Variants in OSBPL2 observed in about 807,000 individuals in gnomAD.
OSBPL2 encodes the protein oxysterol binding protein like 2, also known as oxysterol-binding protein-related protein 2.
OSBPL2 carries 18 observed loss-of-function variants against 58.4 expected under a neutral mutation model. The observed-to-expected ratio is 0.31, with a 90% CI of 0.21 to 0.46. OSBPL2 has a LOEUF of 0.46. Among genes scored for constraint, OSBPL2 ranks in the 20% least tolerant of loss-of-function variants. The pLI is 1.00. For synonymous variants in OSBPL2, 221 were observed against 234.1 expected (o/e 0.94, Z 0.51); for missense variants, 461 against 616.5 (o/e 0.75, Z 2.67).
chr20:62,265,174 C>T (rs1475592732), intron 4 of OSBPL2, among the ~76,000 whole-genome samples: 1 of 152,132 alleles, frequency 6.6e-6, no homozygotes, highest in East Asian at 1.9e-4. Context: ...GTTCGTTCTT[C>T]TACCTTTATT....
chr20:62,242,210 G>A (rs904389617), intron 1 of OSBPL2: 7 of 152,216 alleles, frequency 4.6e-5, no homozygotes, highest in African/African-American at 1.2e-4. Context: ...CTGTGGAAGC[G>A]TGGTGGTGTC....
At chr20:62,242,998 G>T (rs1979834010) in intron 1 of OSBPL2, among the ~76,000 whole-genome samples, 1 of 152,192 alleles carries the variant, frequency 6.6e-6, no homozygotes, top group Non-Finnish European at 1.5e-5. Flanking sequence ...TAAACCTAAG[G>T]CTGATCCAAG....
intron 12 of OSBPL2, 180 bp from the exon 13 acceptor site, chr20:62,291,523 C>T (rs1474739293): frequency 6.2e-6 from 4 of 645,302 alleles, no homozygotes; most frequent in Admixed American, 2.2e-5. Context: ...GCCCTGTTGG[C>T]GTGCCGGCCG....
intron 1 of OSBPL2, among the ~76,000 whole-genome samples, chr20:62,246,742 A>G (rs1478490969): frequency 6.6e-6 from 1 of 152,068 alleles, no homozygotes; most frequent in Non-Finnish European, 1.5e-5. Context: ...TGCCACACGG[A>G]GGTGCAGGCA....
chr20:62,280,195 G>T, intron 7 of OSBPL2: 1 of 1,038,050 alleles, frequency 9.6e-7, no homozygotes, highest in Non-Finnish European at 1.3e-6. Context: ...ACAGAAATAA[G>T]TAATAAACGA....
Position 62,256,161 on chromosome 20 carries a change from G to T in OSBPL2, c.-24G>T, listed in dbSNP as rs756194269. The T allele has an allele frequency of 3.7e-6, 6 of 1,613,112 alleles. No individual in the cohort carries two copies. The South Asian group carries it at 6.6e-5, about 18-fold the overall frequency. Reference sequence around the variant, plus strand: ...TTCAGTAGAAGAGCACATGTCAGGGGCAGTGGAGGCTGGCTGCTGAAGGAT... The same window carrying T: ...TTCAGTAGAAGAGCACATGTCAGGGTCAGTGGAGGCTGGCTGCTGAAGGAT... On this transcript the variant is annotated 5_prime_UTR_variant, in exon 2 of 14. Coordinates refer to ENST00000313733, the MANE Select transcript of OSBPL2 (RefSeq NM_144498.4).
chr20:62,273,218 C>T (rs1451191564), intron 5 of OSBPL2, 91 bp from the exon 6 acceptor site: 16 of 948,810 alleles, frequency 1.7e-5, no homozygotes, highest in Non-Finnish European at 2.5e-5. Flanking sequence ...GTGACAGAAA[C>T]CAGGTGCCCA....
At chr20:62,259,229 C>G (rs1488451324) in intron 2 of OSBPL2, 2 of 152,430 alleles carry the variant, frequency 1.3e-5, no homozygotes, top group Middle Eastern at 3.4e-3. Context: ...CTTGGCCCTT[C>G]CAGCAACTCA....
At chr20:62,255,473 T>C (rs931251612) in intron 1 of OSBPL2, among the ~76,000 whole-genome samples, 11 of 146,368 alleles carry the variant, frequency 7.5e-5, no homozygotes, top group African/African-American at 2.8e-4. Flanking sequence ...GATAATGCTT[T>C]TAATTTTATT....
intron 10 of OSBPL2, chr20:62,286,139 T>G (rs6062192): frequency 0.99 from 168,700 of 171,094 alleles, 83,208 homozygotes; most frequent in East Asian, 1. Context: ...GAGGAAATTC[T>G]ATTTTCTCCT....
intron 6 of OSBPL2, among the ~76,000 whole-genome samples, chr20:62,277,340 G>A (rs1267405190): frequency 6.6e-6 from 1 of 152,274 alleles, no homozygotes; most frequent in African/African-American, 2.4e-5. Context: ...AGGAATGCAA[G>A]CCGCCTGGGC....
chr20:62,240,892 T>C (rs1979682260), intron 1 of OSBPL2, among the ~76,000 whole-genome samples: 1 of 152,208 alleles, frequency 6.6e-6, no homozygotes, highest in South Asian at 2.1e-4. Flanking sequence ...GTGGTCTCTG[T>C]GTGAAGAGGG....
chr20:62,280,958 C>A (rs574197456), intron 7 of OSBPL2, 100 bp from the exon 8 acceptor site: 8 of 848,542 alleles, frequency 9.4e-6, no homozygotes, highest in Non-Finnish European at 1.6e-5. Context: ...CCGCGGGTGC[C>A]GGTTGCTGTG....
chr20:62,256,007 A>G (rs965422738), intron 1 of OSBPL2, 50 bp from the exon 2 acceptor site: 5 of 577,510 alleles, frequency 8.7e-6, no homozygotes, highest in Non-Finnish European at 1.5e-5. Context: ...AATGTTTTTA[A>G]ACCGTGAAAC....
chr20:62,283,216 T>A (rs531431985), intron 9 of OSBPL2, among the ~76,000 whole-genome samples: 2 of 152,354 alleles, frequency 1.3e-5, no homozygotes, highest in Admixed American at 1.3e-4. Flanking sequence ...GTTTTGGTTG[T>A]CTGGTTTTCC....
At position 62,295,215 on chromosome 20, in the gene OSBPL2, G is replaced by A. The variant is rs182960172; in HGVS notation, c.*1328G>A. On this transcript the variant is annotated 3_prime_UTR_variant, in exon 14 of 14. Transcript: ENST00000313733. The surrounding 1 kb of genome is among the most constrained non-coding windows in gnomAD (Gnocchi z 4.8). ...AGTCTGCCTGCCTCAACCTCCCAAA[G>A]TGCTGGGATTACAGGCGTGAGCCAC... 1 of 151,884 alleles carries A rather than the reference G, an allele frequency of 6.6e-6. No individual in the cohort carries two copies. The highest frequency in any genetic ancestry group is 1.5e-5 in the Non-Finnish European group (1 of 67,750). The allele number at this position is 151,884 out of a possible 1,614,324, so 9.4% of individuals were successfully genotyped here.
intron 4 of OSBPL2, among the ~76,000 whole-genome samples, chr20:62,264,905 A>C (rs921821772): frequency 1.3e-5 from 2 of 152,192 alleles, no homozygotes; most frequent in African/African-American, 4.8e-5. Context: ...TTTTCTTCTT[A>C]GAATGAGGTT....
chr20:62,266,575 G>A (rs1981676895), intron 4 of OSBPL2, among the ~76,000 whole-genome samples: 1 of 151,906 alleles, frequency 6.6e-6, no homozygotes, highest in African/African-American at 2.4e-5. Flanking sequence ...CGAGGTGATT[G>A]GCTGTGGCTC....
At chr20:62,263,925 C>T (rs527735009) in intron 4 of OSBPL2, among the ~76,000 whole-genome samples, 26 of 151,990 alleles carry the variant, frequency 1.7e-4, no homozygotes, top group African/African-American at 3.4e-4. Flanking sequence ...ATTAGCTGGG[C>T]GTGGTGGAGG....
Sources: allele counts gnomAD v4.1 joint callset (sites outside exome capture counted in the v4.1 genomes callset), GRCh38; gene constraint gnomAD v4.1.1; non-coding constraint Gnocchi (gnomAD v3.1); transcripts MANE v1.5; gene names NCBI Gene and HGNC (gene_info 2026-07-23, HGNC 2026-07-21).